P4HA3: variants seen among roughly 807,000 people sequenced by gnomAD.
The protein encoded by P4HA3 is prolyl 4-hydroxylase subunit alpha 3, also known as prolyl 4-hydroxylase subunit alpha-3.
In P4HA3, 60 loss-of-function variants were observed where a neutral mutation model predicts 66.7. The ratio of observed to expected loss-of-function variants is 0.90; its 90% CI spans 0.73 to 1.12. The LOEUF (loss-of-function observed/expected upper bound fraction) is 1.12. Ranked by LOEUF, P4HA3 falls within the 50% of genes most tolerant of loss-of-function variation. The pLI, the probability that P4HA3 is intolerant of heterozygous loss-of-function variation, is 0.00. For missense variants in P4HA3, 683 were observed against 685.8 expected, an observed-to-expected ratio of 1.00 and a Z score of 0.05; for synonymous variants, 263 against 274.6, an observed-to-expected ratio of 0.96 and a Z score of 0.42.
At chr11:74,256,972 CTT>C (rs1156931609) in intron 15 of P4HA3, among the ~76,000 whole-genome samples, 1 of 151,706 alleles carries the variant, frequency 6.6e-6, no homozygotes, top group Admixed American at 6.6e-5. Context: ...ATCCAATGGA[CTT>C]TGTAGACAGA....
intron 3 of P4HA3, among the ~76,000 whole-genome samples, chr11:74,300,478 A>G (rs186655262): frequency 4.6e-5 from 7 of 152,054 alleles, no homozygotes; most frequent in African/African-American, 1.7e-4. Flanking sequence ...AATTAGCTGG[A>G]TATGGTGGGG....
intron 15 of P4HA3, among the ~76,000 whole-genome samples, chr11:74,259,168 G>A (rs1565400726): frequency 6.6e-6 from 1 of 152,160 alleles, no homozygotes; most frequent in Non-Finnish European, 1.5e-5. Context: ...GGAAGCCAAG[G>A]TGGGCAGATA....
At chr11:74,304,133 G>A in intron 2 of P4HA3, 137 bp downstream of exon 2, 1 of 1,148,210 alleles carries the variant, frequency 8.7e-7, no homozygotes, top group African/African-American at 1.5e-5. Flanking sequence ...CTTTGTGCTA[G>A]CTAGAGCTAA....
intron 9 of P4HA3, among the ~76,000 whole-genome samples, 162 bp from the exon 10 acceptor site, chr11:74,273,769 G>T (rs975165726): frequency 1.1e-5 from 1 of 92,796 alleles, no homozygotes; most frequent in Non-Finnish European, 2.1e-5. Flanking sequence ...TTGCTGGCAG[G>T]TACTCAATAC....
At chr11:74,279,544 C>T (rs1310118662) in intron 7 of P4HA3, 92 bp from the exon 8 acceptor site, 47 of 1,250,048 alleles carry the variant, frequency 3.8e-5, no homozygotes, top group Non-Finnish European at 5.3e-5. Context: ...TCTTAAGCAT[C>T]AACATAACAG....
downstream of P4HA3, among the ~76,000 whole-genome samples, chr11:74,263,374 A>G (rs541302003): frequency 3.9e-5 from 6 of 152,350 alleles, no homozygotes; most frequent in Admixed American, 3.3e-4. Flanking sequence ...ATACCTGGGA[A>G]AATGTTGGAG....
intron 7 of P4HA3, among the ~76,000 whole-genome samples, chr11:74,281,160 A>G (rs1381776628): frequency 6.6e-6 from 1 of 152,242 alleles, no homozygotes; most frequent in Non-Finnish European, 1.5e-5. Flanking sequence ...AATGCAAATC[A>G]AAACCACAAT....
intron 5 of P4HA3, among the ~76,000 whole-genome samples, chr11:74,286,735 C>A (rs1213592394): frequency 6.6e-6 from 1 of 152,210 alleles, no homozygotes; most frequent in Admixed American, 6.5e-5. Flanking sequence ...TTCATTCATT[C>A]ATTCTTTCAC....
At chr11:74,298,628 C>T (rs1861301936) in intron 3 of P4HA3, among the ~76,000 whole-genome samples, 1 of 152,180 alleles carries the variant, frequency 6.6e-6, no homozygotes, top group African/African-American at 2.4e-5. Context: ...GACAGAATAT[C>T]ATGAGTGCTC....
intron 15 of P4HA3, among the ~76,000 whole-genome samples, chr11:74,252,102 G>A (rs1379297242): frequency 7.3e-6 from 1 of 137,314 alleles, no homozygotes; most frequent in Non-Finnish European, 1.5e-5. Context: ...ATGGAGCAGG[G>A]CTTTTTTTTT....
intron 15 of P4HA3, among the ~76,000 whole-genome samples, chr11:74,255,057 C>T (rs989871815): frequency 6.6e-5 from 10 of 152,178 alleles, no homozygotes; most frequent in Non-Finnish European, 1.3e-4. Flanking sequence ...AACAGGTAGG[C>T]CCAGGTTCCT....
At chr11:74,296,837 C>T (rs73550761) in intron 4 of P4HA3, among the ~76,000 whole-genome samples, 7,734 of 152,248 alleles carry the variant, frequency 0.051, 500 homozygotes, top group African/African-American at 0.15. Context: ...ACTTCTCACC[C>T]CTTCCTACAT....
At chr11:74,289,196 C>T in intron 4 of P4HA3, 66 bp from the exon 5 acceptor site, 1 of 1,169,254 alleles carries the variant, frequency 8.6e-7, no homozygotes, top group Non-Finnish European at 1.1e-6. Flanking sequence ...CTGAACAAAC[C>T]ATTAAATTAA....
chr11:74,308,539 T>G (rs1040477466), intron 1 of P4HA3, among the ~76,000 whole-genome samples: 1 of 152,170 alleles, frequency 6.6e-6, no homozygotes, highest in African/African-American at 2.4e-5. Context: ...ACCCTGTCTC[T>G]TAAAAAGCAA....
At chr11:74,281,797 C>T (rs60070473) in intron 7 of P4HA3, among the ~76,000 whole-genome samples, 5,669 of 150,900 alleles carry the variant, frequency 0.038, 115 homozygotes, top group Middle Eastern at 0.11. Context: ...GTGGGTGCAG[C>T]GCACCAGCAT....
intron 10 of P4HA3, 104 bp downstream of exon 10, chr11:74,273,441 C>T (rs554673816): frequency 1.4e-5 from 15 of 1,039,528 alleles, no homozygotes; most frequent in African/African-American, 1.7e-5. Context: ...GAGATTTTTG[C>T]GCTGAGTACC....
At chr11:74,269,861 C>T in intron 10 of P4HA3, 141 bp from the exon 11 acceptor site, 1 of 887,980 alleles carries the variant, frequency 1.1e-6, no homozygotes, top group South Asian at 1.9e-5. Flanking sequence ...AATCATCCAA[C>T]TCAGGAGGAA....
At chr11:74,307,820 T>G (rs780595078) in intron 1 of P4HA3, among the ~76,000 whole-genome samples, 1 of 152,186 alleles carries the variant, frequency 6.6e-6, no homozygotes, top group Non-Finnish European at 1.5e-5. Context: ...GCTATTTCAC[T>G]TCAATATGTT....
chr11:74,304,286 G>A lies in P4HA3; in HGVS notation c.327C>T (p.Ala109=). 6.2e-7 allele frequency: 1 copy of A among 1,613,724 alleles called. No homozygotes were observed. The highest frequency in any genetic ancestry group is 1.3e-5 in the African/African-American group (1 of 74,946). Residue 109 remains alanine (A), a synonymous_variant, in exon 2 of 13, where the codon GCC becomes GCT. Transcript: ENST00000331597. ...DWRNVVHSLE[A]SENIRALKDG... ...CCTCATTACCTCGGATGTTCTCACTGGCCTCCAGACTATGTACCACATTCC... is the reference window on the plus strand; with the variant it reads ...CCTCATTACCTCGGATGTTCTCACTAGCCTCCAGACTATGTACCACATTCC...
Sources: gnomAD v4.1 joint callset for allele counts (sites outside exome capture counted in the v4.1 genomes callset) on GRCh38, gnomAD v4.1.1 for gene constraint, MANE v1.5 for transcripts, NCBI Gene and HGNC (gene_info 2026-07-23, HGNC 2026-07-21) for gene names.